Variants in SH2D4B observed in about 807,000 individuals in gnomAD.
SH2D4B encodes SH2 domain-containing protein 4B.
SH2D4B carries 45 observed loss-of-function variants against 61.5 expected under a neutral mutation model. The ratio of observed to expected loss-of-function variants is 0.73; its 90% confidence interval spans 0.58 to 0.94. The LOEUF (loss-of-function observed/expected upper bound fraction) is 0.94. Ranked by LOEUF, SH2D4B falls within the 40% of genes least tolerant of loss-of-function variation. SH2D4B has a pLI of 0.00. For missense variants in SH2D4B, 572 were observed against 574.2 expected (o/e 1.00, Z 0.04); for synonymous variants, 224 against 220.4 (o/e 1.02, Z -0.14).
chr10:80,576,376 T>C (rs1224135702), intron 3 of SH2D4B, among the ~76,000 whole-genome samples: 2 of 152,240 alleles, frequency 1.3e-5, no homozygotes, highest in African/African-American at 4.8e-5. Flanking sequence ...TTAAACTTCA[T>C]TAGAAATAGT....
At chr10:80,599,942 A>T (rs1314892550) in intron 4 of SH2D4B, among the ~76,000 whole-genome samples, 2 of 152,126 alleles carry the variant, frequency 1.3e-5, no homozygotes, top group Non-Finnish European at 2.9e-5. Flanking sequence ...CTGCTCCCAC[A>T]TCACTTCCCC....
intron 1 of SH2D4B, among the ~76,000 whole-genome samples, chr10:80,551,089 G>A (rs1841755032): frequency 6.6e-6 from 1 of 152,194 alleles, no homozygotes; most frequent in Admixed American, 6.5e-5. Context: ...GTCTCACTCT[G>A]TTGCCCAGGC....
At chr10:80,611,175 CAAAAAAAAAAA>C (rs35997031) in intron 6 of SH2D4B, among the ~76,000 whole-genome samples, 631 of 45,078 alleles carry the variant, frequency 0.014, 7 homozygotes, top group Admixed American at 0.042. Context: ...GACTCAGTCT[CAAAAAAAAAAA>C]AAAAAAAAAA....
intron 6 of SH2D4B, among the ~76,000 whole-genome samples, chr10:80,624,005 C>T (rs566992499): frequency 9.9e-5 from 15 of 152,180 alleles, no homozygotes; most frequent in African/African-American, 3.4e-4. Context: ...TATTTAACGA[C>T]GGGGGCTGAT....
chr10:80,572,999 T>G (rs1842080638), intron 3 of SH2D4B, among the ~76,000 whole-genome samples: 1 of 68,890 alleles, frequency 1.5e-5, no homozygotes, highest in Non-Finnish European at 3.1e-5. Context: ...TTTTTTTTTT[T>G]TTTTTTTTTT....
At chr10:80,584,775 AGTATGGT>A (rs1257076675) in intron 3 of SH2D4B, among the ~76,000 whole-genome samples, 1 of 152,246 alleles carries the variant, frequency 6.6e-6, no homozygotes, top group Non-Finnish European at 1.5e-5. Flanking sequence ...GGAGAGAAAA[AGTATGGT>A]GTATGGATGT....
intron 6 of SH2D4B, among the ~76,000 whole-genome samples, chr10:80,628,337 T>C (rs374291111): frequency 6.6e-6 from 1 of 152,154 alleles, no homozygotes; most frequent in African/African-American, 2.4e-5. Flanking sequence ...ATGAGATCTG[T>C]TGGTATTATA....
Position 80,571,598 on chromosome 10 carries a change from C to T in SH2D4B, c.495+20C>T, listed in dbSNP as rs1842045792. 1 of 1,611,892 alleles carries T rather than the reference C, an allele frequency of 6.2e-7. No individual in the cohort carries two copies. The highest frequency in any genetic ancestry group is 2.2e-5 in the East Asian group (1 of 44,836). ...TTCAAGGTGGGCCAGCGCATGGGGC[C>T]CCTGCGTGCGGCCACCTAATTAGCC... On this transcript the variant is annotated intron_variant, in intron 3 of 7. Coordinates refer to ENST00000646907, the MANE Select transcript of SH2D4B (RefSeq NM_001388272.1).
chr10:80,639,922 G>T (rs1363648111), intron 7 of SH2D4B, among the ~76,000 whole-genome samples: 2 of 152,224 alleles, frequency 1.3e-5, no homozygotes, highest in Admixed American at 1.3e-4. Flanking sequence ...GCAGTGGTCA[G>T]TACTGGTTGT....
chr10:80,603,794 A>T lies in SH2D4B; in HGVS notation c.859A>T (p.Ser287Cys). The T allele has an allele frequency of 6.2e-7, 1 of 1,607,282 alleles. No individual in the cohort carries two copies. The highest frequency in any genetic ancestry group is 8.5e-7 in the Non-Finnish European group (1 of 1,178,606). ...GLPQPLALPV[S>C]RTWERPLRPV... ...GCCGCAGCCCCTTGCCCTGCCGGTC[A>T]GGTGGGTCCAGGCTCCGTGTTGGTG... Residue 287 changes from serine (S) to cysteine (C), a missense_variant and splice_region_variant, in exon 5 of 8, where the codon AGC becomes TGC. Coordinates refer to ENST00000646907, the MANE Select transcript of SH2D4B (RefSeq NM_001388272.1).
intron 5 of SH2D4B, among the ~76,000 whole-genome samples, chr10:80,608,585 C>T (rs1016821896): frequency 6.6e-6 from 1 of 152,010 alleles, no homozygotes; most frequent in Non-Finnish European, 1.5e-5. Context: ...ATCTGGGAAC[C>T]GCAGTTCAGA....
intron 3 of SH2D4B, among the ~76,000 whole-genome samples, chr10:80,586,509 G>A (rs980419763): frequency 1.3e-5 from 2 of 152,132 alleles, no homozygotes; most frequent in African/African-American, 2.4e-5. Flanking sequence ...TCTGGTGGGG[G>A]CTTGGAGAAC....
At chr10:80,614,857 TC>T (rs1182319593) in intron 6 of SH2D4B, among the ~76,000 whole-genome samples, 3 of 152,246 alleles carry the variant, frequency 2.0e-5, no homozygotes, top group Admixed American at 6.5e-5. Flanking sequence ...GAGGATGTTC[TC>T]CACCCTGTGA....
chr10:80,632,651 T>A (rs1017915057), intron 6 of SH2D4B, among the ~76,000 whole-genome samples: 6 of 151,832 alleles, frequency 4.0e-5, no homozygotes, highest in Admixed American at 3.3e-4. Context: ...CAGCCTCTTT[T>A]AGGGCCCGGG....
chr10:80,615,924 G>A (rs993982940), intron 6 of SH2D4B, among the ~76,000 whole-genome samples: 1 of 152,174 alleles, frequency 6.6e-6, no homozygotes, highest in Non-Finnish European at 1.5e-5. Flanking sequence ...AGAACATGGT[G>A]TCATGCAATA....
At chr10:80,573,653 T>C (rs1400849624) in intron 3 of SH2D4B, among the ~76,000 whole-genome samples, 1 of 152,220 alleles carries the variant, frequency 6.6e-6, no homozygotes, top group East Asian at 1.9e-4. Flanking sequence ...CTTGTGGACC[T>C]TTTTGTGGAT....
chr10:80,571,770 T>C (rs1168144416), intron 3 of SH2D4B, among the ~76,000 whole-genome samples, 192 bp downstream of exon 3: 1 of 150,664 alleles, frequency 6.6e-6, no homozygotes, highest in African/African-American at 2.5e-5. Flanking sequence ...TGTTTCTTTT[T>C]TTTTTCTTTT....
intron 4 of SH2D4B, among the ~76,000 whole-genome samples, chr10:80,590,868 C>T (rs1286394917): frequency 6.6e-6 from 1 of 151,916 alleles, no homozygotes; most frequent in African/African-American, 2.4e-5. Context: ...TTAGCAGTTA[C>T]TCCTTCCCCC....
At chr10:80,576,141 G>A (rs1842122600) in intron 3 of SH2D4B, among the ~76,000 whole-genome samples, 3 of 152,144 alleles carry the variant, frequency 2.0e-5, no homozygotes, top group Admixed American at 6.5e-5. Context: ...GGTATGAGTG[G>A]AGGTTTTCTG....
Sources: gnomAD v4.1 joint callset for allele counts (sites outside exome capture counted in the v4.1 genomes callset) on GRCh38, gnomAD v4.1.1 for gene constraint, MANE v1.5 for transcripts, NCBI Gene and HGNC (gene_info 2026-07-23, HGNC 2026-07-21) for gene names.